NKAIN2: variants seen among roughly 807,000 people sequenced by gnomAD.
NKAIN2 encodes the protein sodium/potassium transporting ATPase interacting 2, also known as sodium/potassium-transporting ATPase subunit beta-1-interacting protein 2.
NKAIN2 carries 14 observed loss-of-function variants against 32.6 expected under a neutral mutation model. That is an observed-to-expected ratio of 0.43 (90% CI 0.28 to 0.67). The LOEUF (loss-of-function observed/expected upper bound fraction) is 0.67. NKAIN2 is among the 30% of genes least tolerant of loss of function. NKAIN2 has a pLI of 0.17. For missense variants in NKAIN2, 198 were observed against 258.3 expected (o/e 0.77, Z 1.60); for synonymous variants, 80 against 87.2 (o/e 0.92, Z 0.46).
At chr6:124,752,455 T>G (rs748179938) in intron 4 of NKAIN2, among the ~76,000 whole-genome samples, 7 of 152,104 alleles carry the variant, frequency 4.6e-5, no homozygotes, top group Non-Finnish European at 8.8e-5. Flanking sequence ...GCTTTCTTTC[T>G]TCCTTCTTAC....
intron 3 of NKAIN2, among the ~76,000 whole-genome samples, chr6:124,384,820 G>A (rs938610039): frequency 4.6e-5 from 7 of 151,994 alleles, no homozygotes; most frequent in Non-Finnish European, 8.8e-5. Flanking sequence ...GCGGGGTTTT[G>A]CCATGTTGCC....
intron 3 of NKAIN2, among the ~76,000 whole-genome samples, chr6:124,463,444 G>A (rs1288240618): frequency 6.6e-6 from 1 of 151,976 alleles, no homozygotes; most frequent in African/African-American, 2.4e-5. Context: ...TCTACCATCT[G>A]CCTCTATTGT....
chr6:124,731,048 AAGT>A (rs1312611488), intron 4 of NKAIN2, among the ~76,000 whole-genome samples: 1 of 145,530 alleles, frequency 6.9e-6, no homozygotes, highest in East Asian at 2.0e-4. Context: ...AATCATTAAA[AAGT>A]CAGGAAACAA....
chr6:124,092,415 A>G (rs1784470500), intron 1 of NKAIN2, among the ~76,000 whole-genome samples: 3 of 152,102 alleles, frequency 2.0e-5, no homozygotes. Flanking sequence ...AAAGTATTTT[A>G]GTGATTCTTA....
Position 124,716,430 on chromosome 6 carries a change from A to T in NKAIN2, c.474+58044A>T, listed in dbSNP as rs544804702. ...ATAAAAACAGCCAGAGTCTGAGAAT[A>T]TCAGTTGAGATCATAGAGTGATGAG... is the stretch of plus-strand genomic sequence containing the variant. On this transcript the variant is annotated intron_variant, in intron 4 of 6. Coordinates refer to ENST00000368417, the MANE Select transcript of NKAIN2 (RefSeq NM_001040214.3). Among the ~76,000 whole-genome samples, 26 of 152,320 alleles carry T rather than the reference A, an allele frequency of 1.7e-4. No individual in the cohort carries two copies. In the Middle Eastern group the frequency reaches 0.017, roughly 100 times the overall value.
intron 1 of NKAIN2, among the ~76,000 whole-genome samples, chr6:124,089,131 A>ACGAGGGGAGAGG (rs1562351447): frequency 6.6e-6 from 1 of 151,878 alleles, no homozygotes; most frequent in Non-Finnish European, 1.5e-5. Flanking sequence ...GAGGGGAGAG[A>ACGAGGGGAGAGG]CACTCTTGCT....
At chr6:124,692,091 A>T (rs939964489) in intron 4 of NKAIN2, among the ~76,000 whole-genome samples, 2 of 152,220 alleles carry the variant, frequency 1.3e-5, no homozygotes, top group Non-Finnish European at 2.9e-5. Context: ...CTTCTATTAT[A>T]AAATGTATTA....
rs376177076 is a variant in NKAIN2 at position 124,360,086 on chromosome 6, C to T, written c.273+4739C>T. Among the ~76,000 whole-genome samples the T allele has an allele frequency of 1.4e-4, 21 of 151,774 alleles. No homozygotes were observed. The East Asian group carries it at 1.7e-3, about 13-fold the overall frequency. ...ATGCTGGATTACGTATATTGATTTG[C>T]GAATGTTGAACCAGCCTTGCATCCC... On this transcript the variant is annotated intron_variant, in intron 3 of 6. Transcript: ENST00000368417.
At chr6:124,538,605 T>C (rs1779800567) in intron 3 of NKAIN2, among the ~76,000 whole-genome samples, 1 of 152,128 alleles carries the variant, frequency 6.6e-6, no homozygotes, top group Non-Finnish European at 1.5e-5. Context: ...AATTTTCAAC[T>C]ATTATTCAGA....
At chr6:124,791,738 T>C (rs1779756895) in intron 5 of NKAIN2, among the ~76,000 whole-genome samples, 1 of 152,158 alleles carries the variant, frequency 6.6e-6, no homozygotes, top group Non-Finnish European at 1.5e-5. Flanking sequence ...CTCTTTTTTA[T>C]GATCCCTTTA....
At chr6:124,781,080 T>C (rs547940437) in intron 4 of NKAIN2, among the ~76,000 whole-genome samples, 6 of 152,026 alleles carry the variant, frequency 3.9e-5, no homozygotes, top group African/African-American at 1.2e-4. Flanking sequence ...TAGGTGAACT[T>C]AATTTTAACT....
chr6:124,620,995 A>G (rs1783085187), intron 3 of NKAIN2, among the ~76,000 whole-genome samples: 1 of 152,170 alleles, frequency 6.6e-6, no homozygotes, highest in Admixed American at 6.5e-5. Context: ...CTCACTCACT[A>G]CAAATCCTGT....
intron 1 of NKAIN2, among the ~76,000 whole-genome samples, chr6:123,961,918 A>G (rs1207510790): frequency 1.3e-5 from 2 of 152,196 alleles, no homozygotes; most frequent in Admixed American, 1.3e-4. Flanking sequence ...GGAACATGAC[A>G]GTAGGTCTTT....
intron 3 of NKAIN2, among the ~76,000 whole-genome samples, chr6:124,465,473 G>A (rs1776708244): frequency 2.0e-5 from 3 of 151,966 alleles, no homozygotes; most frequent in Admixed American, 1.3e-4. Context: ...ACACACTGGG[G>A]CCTGTCAGGG....
At chr6:124,348,130 G>A (rs1369716664) in intron 2 of NKAIN2, among the ~76,000 whole-genome samples, 1 of 152,206 alleles carries the variant, frequency 6.6e-6, no homozygotes, top group Non-Finnish European at 1.5e-5. Context: ...GTTAGCAGCA[G>A]CATTGTCTGC....
intron 4 of NKAIN2, among the ~76,000 whole-genome samples, chr6:124,673,930 T>C (rs1773229161): frequency 6.6e-6 from 1 of 151,974 alleles, no homozygotes; most frequent in South Asian, 2.1e-4. Flanking sequence ...GCTTTTTATT[T>C]CATATCAAAG....
At chr6:124,317,220 T>A (rs1796991773) in intron 2 of NKAIN2, among the ~76,000 whole-genome samples, 1 of 152,118 alleles carries the variant, frequency 6.6e-6, no homozygotes, top group South Asian at 2.1e-4. Flanking sequence ...GAACTCAAGT[T>A]AGCATTGTTC....
chr6:123,912,553 A>C (rs1360411171), intron 1 of NKAIN2, among the ~76,000 whole-genome samples: 1 of 152,148 alleles, frequency 6.6e-6, no homozygotes, highest in Non-Finnish European at 1.5e-5. Context: ...ACCTTTGCAC[A>C]TTGTCTGTTG....
intron 1 of NKAIN2, among the ~76,000 whole-genome samples, chr6:123,813,868 T>TC (rs1773583411): frequency 6.6e-6 from 1 of 151,320 alleles, no homozygotes. Context: ...TTTTTTTTTT[T>TC]CGTCTTTTTT....
Sources: gnomAD v4.1 joint callset for allele counts (sites outside exome capture counted in the v4.1 genomes callset) on GRCh38, gnomAD v4.1.1 for gene constraint, MANE v1.5 for transcripts, NCBI Gene and HGNC (gene_info 2026-07-23, HGNC 2026-07-21) for gene names.